Variants in NHLH2 observed in about 807,000 individuals in gnomAD.
The protein encoded by NHLH2 is nescient helix-loop-helix 2.
A neutral mutation model predicts 7.3 loss-of-function variants in NHLH2; 7 were observed. The ratio of observed to expected loss-of-function variants is 0.96; its 90% confidence interval spans 0.55 to 1.81. The LOEUF is 1.81. Ranked by LOEUF, NHLH2 falls within the 40% of genes most tolerant of loss-of-function variation. The pLI is 0.00. For missense variants in NHLH2, 155 were observed against 194.0 expected (o/e 0.80, Z 1.19); for synonymous variants, 93 against 91.6 (o/e 1.01, Z -0.09).
rs954512753 is a variant in NHLH2 at position 115,837,135 on chromosome 1, T to C, written c.*830A>G. The C allele has an allele frequency of 2.0e-5, 3 of 152,480 alleles. No homozygotes were observed. The highest frequency in any genetic ancestry group is 7.2e-5 in the African/African-American group (3 of 41,456). 9.4% of individuals were successfully genotyped at this position (152,480 alleles called of 1,614,324 possible). On this transcript the variant is annotated 3_prime_UTR_variant, in exon 3 of 3. Coordinates refer to ENST00000320238, the MANE Select transcript of NHLH2 (RefSeq NM_005599.3). ...CTTGAAAAAAATACTCTACTCCTTC[T>C]AACATAAATAAAAATAGGTTGTCTT...
Position 115,837,955 on chromosome 1 carries a change from G to A in NHLH2, c.*10C>T, listed in dbSNP as rs1286928972. 4.5e-5 allele frequency: 71 copies of A among 1,588,132 alleles called. No homozygotes were observed. Among genetic ancestry groups the A allele is most frequent in the Non-Finnish European group, 5.8e-5 (68 of 1,169,892 alleles). On this transcript the variant is annotated 3_prime_UTR_variant, in exon 3 of 3. Coordinates refer to ENST00000320238, the MANE Select transcript of NHLH2 (RefSeq NM_005599.3). ...GCCGGGACAGGCGGCCCCCCGCGGC[G>A]CACCCCGCCCTACACGTCCAGGACG...
At chr1:115,838,590 G>C (rs911978554) in intron 2 of NHLH2, 1 of 499,586 alleles carries the variant, frequency 2.0e-6, no homozygotes, top group Non-Finnish European at 3.5e-6. Flanking sequence ...GGGAGCCGGC[G>C]GGGACGCGGT....
At chr1:115,833,055 T>C (rs529232906), downstream of NHLH2, among the ~76,000 whole-genome samples, 1 of 152,146 alleles carries the variant, frequency 6.6e-6, no homozygotes, top group African/African-American at 2.4e-5. Context: ...ATGCCTAGAT[T>C]GGGAACTTGA....
chr1:115,838,986 G>C (rs971421170), intron 2 of NHLH2: 2 of 167,182 alleles, frequency 1.2e-5, no homozygotes, highest in Admixed American at 6.5e-5. Flanking sequence ...CAGGCGGAGA[G>C]CCAGTGGCTG....
In NHLH2 at chr1:115,838,051, G is replaced by A; in HGVS notation, c.322C>T (p.Pro108Ser). 6.2e-7 allele frequency: 1 copy of A among 1,609,658 alleles called. No homozygotes were observed. Among genetic ancestry groups the A allele is most frequent in the Non-Finnish European group, 8.5e-7 (1 of 1,178,326 alleles). Residue 108 changes from proline to serine, a missense_variant, in exon 3 of 3, where the codon CCC (proline) becomes TCC (serine). Transcript: ENST00000320238. ...AELRKLLPTL[P>S]PDKKLSKIEI... ...ATCTTGGAGAGCTTCTTGTCCGGGG[G>A]CAGCGTGGGCAGCAATTTGCGGAGC...
downstream of NHLH2, among the ~76,000 whole-genome samples, chr1:115,832,974 A>G (rs1650786643): frequency 6.6e-6 from 1 of 152,198 alleles, no homozygotes; most frequent in African/African-American, 2.4e-5. Flanking sequence ...GTTTGCAGGA[A>G]TATTTAATCT....
chr1:115,835,243 C>CA (rs1650840482), downstream of NHLH2, among the ~76,000 whole-genome samples: 1 of 152,190 alleles, frequency 6.6e-6, no homozygotes, highest in Admixed American at 6.5e-5. Flanking sequence ...GAAAGACAGG[C>CA]ACTTGGAAGG....
Position 115,838,341 on chromosome 1 carries a change from G to A in NHLH2, c.32C>T (p.Ser11Leu). 6.2e-7 allele frequency: 1 copy of A among 1,609,456 alleles called. No homozygotes were observed. Among genetic ancestry groups the A allele is most frequent in the East Asian group, 2.2e-5 (1 of 44,748 alleles). ...CGAGTGCGCCGAGCTGGGATGGTCC[G>A]AATCTGCTGCTTGGTCCGGACTCAG... is the stretch of plus-strand genomic sequence containing the variant. The part of the protein sequence containing the change: MMLSPDQAAD[S>L]DHPSSAHSDP... The change falls in exon 3 of 3, where the codon TCG (serine) becomes TTG (leucine). Residue 11 changes from serine to leucine, a missense_variant. This residue lies in a region of NHLH2 where 91 missense variants were observed against 86.6 expected (regional missense o/e 1.05). Coordinates refer to ENST00000320238, the MANE Select transcript of NHLH2 (RefSeq NM_005599.3).
rs776066677 is a variant in NHLH2, at chr1:115,838,266, G to A, written c.107C>T (p.Ser36Leu). 1.1e-5 allele frequency: 17 copies of A among 1,596,832 alleles called. No homozygotes were observed. Among genetic ancestry groups the A allele is most frequent in the Non-Finnish European group, 6.0e-6 (7 of 1,174,006 alleles). ...GTDTKVLGSV[S>L]DLEPVEEAEG... ...GGCCTCCTCCACCGGCTCCAGGTCC[G>A]ACACGCTGCCGAGCACCTTGGTGTC... The change falls in exon 3 of 3, where the codon TCG becomes TTG. Residue 36 changes from serine (S) to leucine (L), a missense_variant. Around this residue, in one of 2 missense-constraint regions of NHLH2, gnomAD observed 91 missense variants for 86.6 expected, o/e 1.05. Coordinates refer to ENST00000320238, the MANE Select transcript of NHLH2 (RefSeq NM_005599.3).
chr1:115,837,851 G>T lies in NHLH2; in HGVS notation c.*114C>A. On this transcript the variant is annotated 3_prime_UTR_variant, in exon 3 of 3. Transcript: ENST00000320238. Reference sequence around the variant, plus strand: ...AGCTTCTTCCCCGGCCGTCTCTCGAGGCGGCCGTCTCGCTGGGCCACCGCA... The same window carrying T: ...AGCTTCTTCCCCGGCCGTCTCTCGATGCGGCCGTCTCGCTGGGCCACCGCA... The T allele has an allele frequency of 8.7e-7, 1 of 1,152,552 alleles. No homozygotes were observed. Among genetic ancestry groups the T allele is most frequent in the Non-Finnish European group, 1.2e-6 (1 of 839,706 alleles). The allele number at this position is 1,152,552 out of a possible 1,614,324, so 71.4% of individuals were successfully genotyped here.
At chr1:115,834,385 G>C (rs1224223129), downstream of NHLH2, among the ~76,000 whole-genome samples, 1 of 152,176 alleles carries the variant, frequency 6.6e-6, no homozygotes, top group African/African-American at 2.4e-5. Context: ...GGGACAGCAG[G>C]AAGACATGTG....
chr1:115,839,849 A>G (rs1019755038), intron 2 of NHLH2: 1 of 167,094 alleles, frequency 6.0e-6, no homozygotes, highest in Admixed American at 6.5e-5. Context: ...CCTGCGAGGA[A>G]ATCAGGTCCT....
At chr1:115,835,572 C>T (rs1256151383), downstream of NHLH2, among the ~76,000 whole-genome samples, 1 of 152,158 alleles carries the variant, frequency 6.6e-6, no homozygotes, top group Admixed American at 6.5e-5. Context: ...GTGAAGCTGA[C>T]AAGAAGACAC....
Position 115,837,863 on chromosome 1 carries a change from G to T in NHLH2, c.*102C>A. 7.7e-7 allele frequency: 1 copy of T among 1,297,810 alleles called. No individual in the cohort carries two copies. The allele number at this position is 1,297,810 out of a possible 1,614,324, so 80.4% of individuals were successfully genotyped here. A position where few individuals can be genotyped will look rare whatever the true frequency, so the allele number is the denominator to read the frequency against. On this transcript the variant is annotated 3_prime_UTR_variant, in exon 3 of 3. Transcript: ENST00000320238. ...GGCCGTCTCTCGAGGCGGCCGTCTC[G>T]CTGGGCCACCGCAGCCTCCGCCACC...
chr1:115,832,779 C>T (rs1277306007), downstream of NHLH2, among the ~76,000 whole-genome samples: 2 of 152,062 alleles, frequency 1.3e-5, no homozygotes, highest in Admixed American at 6.5e-5. Flanking sequence ...CTGAAAGAAA[C>T]GGAAAGCTTT....
chr1:115,840,759 T>TTTA, intron 1 of NHLH2, 189 bp downstream of exon 1: 1 of 161,794 alleles, frequency 6.2e-6, no homozygotes, highest in South Asian at 2.1e-4. Flanking sequence ...TTTTTTTTTT[T>TTTA]GAGATAAGGC....
intron 2 of NHLH2, 106 bp from the exon 3 acceptor site, chr1:115,838,486 CG>C: frequency 7.6e-7 from 1 of 1,323,630 alleles, no homozygotes; most frequent in Non-Finnish European, 1.1e-6. Context: ...ACGCGCGGCC[CG>C]GGCCCCCTCC....
At chr1:115,839,340 T>G (rs1650989294) in intron 2 of NHLH2, 2 of 166,128 alleles carry the variant, frequency 1.2e-5, no homozygotes, top group East Asian at 1.9e-4. Context: ...CGGCGGGAGC[T>G]GCATCTCTGC....
chr1:115,831,517 G>C (rs185092208), downstream of NHLH2, among the ~76,000 whole-genome samples: 2 of 152,010 alleles, frequency 1.3e-5, no homozygotes, highest in Non-Finnish European at 2.9e-5. Flanking sequence ...ACAGTAAAAC[G>C]AACAGTATTT....
Sources: allele counts gnomAD v4.1 joint callset (sites outside exome capture counted in the v4.1 genomes callset), GRCh38; gene constraint gnomAD v4.1.1; regional missense constraint gnomAD v4.1.1; transcripts MANE v1.5; gene names NCBI Gene and HGNC (gene_info 2026-07-23, HGNC 2026-07-21).